The following PGM2L1 variants were observed in gnomAD, a reference collection of about 807,000 sequenced individuals.
PGM2L1 encodes the protein phosphoglucomutase 2 like 1.
PGM2L1 carries 35 observed loss-of-function variants against 73.4 expected under a neutral mutation model. The observed-to-expected ratio is 0.48, with a 90% CI of 0.36 to 0.63. The LOEUF is 0.63. Ranked by LOEUF, PGM2L1 falls within the 30% of genes least tolerant of loss-of-function variation. PGM2L1 has a pLI of 0.00. For synonymous variants in PGM2L1, 225 were observed against 253.8 expected (o/e 0.89, Z 1.08); for missense variants, 570 against 742.0 (o/e 0.77, Z 2.69).
chr11:74,362,794 C>A (rs954918384), intron 5 of PGM2L1, among the ~76,000 whole-genome samples: 1 of 152,104 alleles, frequency 6.6e-6, no homozygotes, highest in Non-Finnish European at 1.5e-5. Context: ...TAATGGGAGA[C>A]TTTAACACCC....
intron 5 of PGM2L1, among the ~76,000 whole-genome samples, chr11:74,366,889 A>G (rs1329951238): frequency 6.6e-6 from 1 of 152,190 alleles, no homozygotes; most frequent in Non-Finnish European, 1.5e-5. Context: ...ATATTCTAAG[A>G]GATCATCTGT....
Position 74,342,901 on chromosome 11 carries a change from C to T in PGM2L1, c.1426G>A (p.Val476Ile), listed in dbSNP as rs781176522. The change falls in exon 11 of 14, where the codon GTT (valine) becomes ATT (isoleucine). Residue 476 changes from valine (V) to isoleucine (I), a missense_variant. By Grantham distance (29) the Val-to-Ile change is conservative (BLOSUM62 3). Transcript: ENST00000298198. ...AGAACTTACTTTTCATAAACCTTAA[C>T]CAGTTGCTGTTTCAATGTTATATTC... The part of the protein sequence containing the change: ...TMNITLKQQL[V>I]KVYEKYGYHI... 4 of 1,603,786 alleles carry T rather than the reference C, an allele frequency of 2.5e-6. 1 individual carries two copies. Among genetic ancestry groups the T allele is most frequent in the African/African-American group, 2.7e-5 (2 of 74,314 alleles).
chr11:74,381,571 C>CTTTTTT (rs1195996518), intron 1 of PGM2L1, among the ~76,000 whole-genome samples: 11 of 95,406 alleles, frequency 1.2e-4, no homozygotes, highest in Admixed American at 2.5e-4. Flanking sequence ...GTGTTTTTGT[C>CTTTTTT]TTTTTTTTTT....
rs1862424995 is a variant in PGM2L1 at position 74,355,217 on chromosome 11, TG to T, written c.556-3642del. 17 of 1,416,450 alleles carry T rather than the reference TG, an allele frequency of 1.2e-5. No individual in the cohort carries two copies. The Admixed American group carries it at 2.8e-4, about 24-fold the overall frequency. The allele number at this position is 1,416,450 out of a possible 1,614,324, so 87.7% of individuals were successfully genotyped here. A position where few individuals can be genotyped will look rare whatever the true frequency, so the allele number is the denominator to read the frequency against. Reference sequence around the variant, plus strand: ...ATGATGGAAGCAATTTTGGAGGTGGTGGAAGCTACAATGATTTTGGCAATTA... The same window carrying T: ...ATGATGGAAGCAATTTTGGAGGTGGTGAAGCTACAATGATTTTGGCAATTA... On this transcript the variant is annotated intron_variant, in intron 5 of 13. Transcript: ENST00000298198.
chr11:74,345,363 A>G (rs926363696), intron 9 of PGM2L1, 106 bp downstream of exon 9: 1 of 1,076,950 alleles, frequency 9.3e-7, no homozygotes, highest in Admixed American at 2.8e-5. Context: ...TAGAAAAATA[A>G]GGGAATTACA....
At chr11:74,392,883 T>C (rs1426369530) in intron 1 of PGM2L1, among the ~76,000 whole-genome samples, 1 of 152,242 alleles carries the variant, frequency 6.6e-6, no homozygotes, top group African/African-American at 2.4e-5. Context: ...ACTTAGTTTA[T>C]GTTGTCACTA....
In PGM2L1 at chr11:74,333,309, C is replaced by G. The variant is rs1862041998; in HGVS notation, c.*3343G>C. The G allele has an allele frequency of 6.6e-6, 1 of 152,152 alleles. No homozygotes were observed. Among genetic ancestry groups the G allele is most frequent in the Non-Finnish European group, 1.5e-5 (1 of 68,016 alleles). The allele number at this position is 152,152 out of a possible 1,614,324, so 9.4% of individuals were successfully genotyped here. A position where few individuals can be genotyped will look rare whatever the true frequency, so the allele number is the denominator to read the frequency against. Reference sequence around the variant, plus strand: ...TCCTTATTCCCTCTGGTTCTGTCTTCACTAGAGATGGAGAACACTATGGCA... The same window carrying G: ...TCCTTATTCCCTCTGGTTCTGTCTTGACTAGAGATGGAGAACACTATGGCA... On this transcript the variant is annotated 3_prime_UTR_variant, in exon 14 of 14. Coordinates refer to ENST00000298198, the MANE Select transcript of PGM2L1 (RefSeq NM_173582.6).
intron 1 of PGM2L1, among the ~76,000 whole-genome samples, chr11:74,393,782 T>C (rs950448544): frequency 5.9e-5 from 9 of 152,166 alleles, no homozygotes; most frequent in Admixed American, 2.0e-4. Context: ...TGAGCAGCTC[T>C]AGCCTGTGTC....
intron 12 of PGM2L1, among the ~76,000 whole-genome samples, chr11:74,340,649 G>A (rs1309596595): frequency 1.3e-5 from 2 of 152,182 alleles, no homozygotes; most frequent in Non-Finnish European, 2.9e-5. Context: ...TGGCATTTAA[G>A]TATTTGTTGA....
intron 1 of PGM2L1, chr11:74,397,745 ATTT>A (rs71065081): frequency 3.7e-4 from 55 of 150,026 alleles, no homozygotes; most frequent in Middle Eastern, 3.0e-3. Context: ...AATGATGATG[ATTT>A]TTTTTTTTTT....
chr11:74,366,363 A>G (rs1322222194), intron 5 of PGM2L1, among the ~76,000 whole-genome samples: 2 of 151,706 alleles, frequency 1.3e-5, no homozygotes. Flanking sequence ...AAGTATAAAA[A>G]AAAAAAAAAA....
intron 1 of PGM2L1, among the ~76,000 whole-genome samples, chr11:74,396,714 G>A (rs1031150241): frequency 1.3e-5 from 2 of 152,146 alleles, no homozygotes; most frequent in East Asian, 1.9e-4. Flanking sequence ...GCGCCCGGCC[G>A]GAAATTCATT....
At chr11:74,350,332 AAG>A (rs1862329996) in intron 6 of PGM2L1, among the ~76,000 whole-genome samples, 1 of 152,204 alleles carries the variant, frequency 6.6e-6, no homozygotes, top group Admixed American at 6.5e-5. Context: ...CTATTTACAG[AAG>A]AGTTACAGAG....
rs1017746247 is a variant in PGM2L1, at chr11:74,331,555, C to T, written c.*5097G>A. On this transcript the variant is annotated 3_prime_UTR_variant, in exon 14 of 14. Transcript: ENST00000298198. ...AGGATTACAGGCATGAGCCACCGAG[C>T]CCGGCCTATGTTTATATATCTTGCA... The T allele has an allele frequency of 6.6e-6, 1 of 152,260 alleles. No individual in the cohort carries two copies. The highest frequency in any genetic ancestry group is 2.4e-5 in the African/African-American group (1 of 41,386). The allele number at this position is 152,260 out of a possible 1,614,324, so 9.4% of individuals were successfully genotyped here.
chr11:74,365,329 C>T (rs1338061356), intron 5 of PGM2L1, among the ~76,000 whole-genome samples: 1 of 151,640 alleles, frequency 6.6e-6, no homozygotes, highest in Non-Finnish European at 1.5e-5. Context: ...TCTAAAACAC[C>T]AAAAGCAATG....
chr11:74,384,108 G>A (rs948305406), intron 1 of PGM2L1, among the ~76,000 whole-genome samples: 10 of 151,118 alleles, frequency 6.6e-5, no homozygotes, highest in Non-Finnish European at 1.3e-4. Flanking sequence ...CTTATGTCTC[G>A]TAGCCTCTCT....
chr11:74,387,917 T>C (rs917237152), intron 1 of PGM2L1, among the ~76,000 whole-genome samples: 3 of 152,208 alleles, frequency 2.0e-5, no homozygotes, highest in African/African-American at 7.2e-5. Context: ...TTACAGCTTG[T>C]AATACATTCT....
At chr11:74,391,049 A>G (rs1329988595) in intron 1 of PGM2L1, among the ~76,000 whole-genome samples, 3 of 152,164 alleles carry the variant, frequency 2.0e-5, no homozygotes, top group Non-Finnish European at 4.4e-5. Context: ...AGATCCATCA[A>G]TTAATTGTTC....
intron 5 of PGM2L1, among the ~76,000 whole-genome samples, chr11:74,360,162 T>C (rs1383192095): frequency 6.6e-6 from 1 of 151,888 alleles, no homozygotes; most frequent in Non-Finnish European, 1.5e-5. Flanking sequence ...CCTGGAAGGT[T>C]GAAGCTGCAG....
Sources: allele counts gnomAD v4.1 joint callset (sites outside exome capture counted in the v4.1 genomes callset), GRCh38; gene constraint gnomAD v4.1.1; transcripts MANE v1.5; gene names NCBI Gene and HGNC (gene_info 2026-07-23, HGNC 2026-07-21).